FGF13: variants seen among roughly 807,000 people sequenced by gnomAD.
The protein encoded by FGF13 is fibroblast growth factor homologous factor 2.
A neutral mutation model predicts 19.5 loss-of-function variants in FGF13; 2 were observed. The observed-to-expected ratio is 0.10, with a 90% CI of 0.04 to 0.32. FGF13 has a LOEUF of 0.32. Ranked by LOEUF, FGF13 falls within the 10% of genes least tolerant of loss-of-function variation. The probability of loss-of-function intolerance (pLI) is 1.00; values close to 1 mark genes in which losing one functional copy is unlikely to be tolerated. For synonymous variants in FGF13, 72 were observed against 76.9 expected (o/e 0.94, Z 0.33); for missense variants, 113 against 192.7 (o/e 0.59, Z 2.45).
chrX:139,156,512 G>T (rs933636169), intron 1 of FGF13, among the ~76,000 whole-genome samples: 2 of 112,520 alleles, frequency 1.8e-5, no homozygotes, highest in African/African-American at 6.5e-5. Flanking sequence ...AATAAGCAAG[G>T]AGTCTTATTG....
At position 139,175,982 on chromosome X, in the gene FGF13, G is replaced by C. The variant is rs776688404; in HGVS notation, c.-113+27434C>G. Among the ~76,000 whole-genome samples the C allele has an allele frequency of 7.2e-5, 8 of 111,745 alleles. No individual in the cohort carries two copies. The South Asian group carries it at 1.5e-3, about 21-fold the overall frequency. On this transcript the variant is annotated intron_variant, in intron 1 of 2. Coordinates refer to the FGF13 transcript ENST00000421460. ...AATAGTTTCAGAAGGAATGGTACCA[G>C]CTCCTCTTTGTACCAATGGTAGAAT...
intron 3 of FGF13, among the ~76,000 whole-genome samples, chrX:138,651,936 T>C (rs1439827587): frequency 9.0e-6 from 1 of 111,423 alleles, no homozygotes; most frequent in Non-Finnish European, 1.9e-5. Flanking sequence ...TAGTATAACA[T>C]TAATTTACAA....
intron 3 of FGF13, among the ~76,000 whole-genome samples, chrX:138,792,040 G>T (rs1485423865): frequency 9.0e-6 from 1 of 111,419 alleles, no homozygotes; most frequent in Non-Finnish European, 1.9e-5. Flanking sequence ...AATTTTAGTG[G>T]CCAAAAAGCT....
chrX:138,636,719 A>T (rs1016463746), intron 3 of FGF13, among the ~76,000 whole-genome samples: 1 of 112,024 alleles, frequency 8.9e-6, no homozygotes, highest in African/African-American at 3.2e-5. Context: ...TAATTTGCTG[A>T]GATGTTATCA....
chrX:138,653,688 C>G (rs971605658), intron 3 of FGF13, among the ~76,000 whole-genome samples: 2 of 111,212 alleles, frequency 1.8e-5, no homozygotes, highest in African/African-American at 6.5e-5. Context: ...GACCTAAGAG[C>G]AGTGCAGAGG....
At chrX:138,730,575 G>T (rs1409755854) in intron 1 of FGF13, among the ~76,000 whole-genome samples, 1 of 111,037 alleles carries the variant, frequency 9.0e-6, no homozygotes, top group Non-Finnish European at 1.9e-5. Flanking sequence ...GATGCATATT[G>T]TAATCTTGAG....
intron 1 of FGF13, among the ~76,000 whole-genome samples, chrX:139,141,775 A>T (rs1041372197): frequency 8.9e-6 from 1 of 112,514 alleles, no homozygotes; most frequent in Non-Finnish European, 1.9e-5. Context: ...TGTTTCTCTG[A>T]ATAAACCATT....
At chrX:138,770,830 C>T (rs1394205878) in intron 3 of FGF13, among the ~76,000 whole-genome samples, 2 of 111,796 alleles carry the variant, frequency 1.8e-5, no homozygotes, top group African/African-American at 6.5e-5. Flanking sequence ...GGAGGAGGCA[C>T]AAACTGGGAG....
At chrX:138,962,203 T>TCAAAAGAAGACATTTATGCAGC (rs1449957308) in intron 1 of FGF13, among the ~76,000 whole-genome samples, 1 of 112,286 alleles carries the variant, frequency 8.9e-6, no homozygotes. Flanking sequence ...CAGACTCTTC[T>TCAAAAGAAGACATTTATGCAGC]CAAAAGAAGA....
At chrX:138,659,509 G>A (rs370524565) in intron 3 of FGF13, among the ~76,000 whole-genome samples, 2 of 111,450 alleles carry the variant, frequency 1.8e-5, no homozygotes, top group Admixed American at 9.5e-5. Context: ...GCCATTCCTC[G>A]AGGATCTAGA....
chrX:138,783,780 G>A (rs1265121051), intron 3 of FGF13, among the ~76,000 whole-genome samples: 2 of 108,827 alleles, frequency 1.8e-5, no homozygotes, highest in African/African-American at 3.3e-5. Flanking sequence ...ATCTAGAACT[G>A]GAAATACCAT....
At chrX:139,161,172 G>A (rs898938341) in intron 1 of FGF13, among the ~76,000 whole-genome samples, 1 of 111,739 alleles carries the variant, frequency 8.9e-6, no homozygotes, top group Non-Finnish European at 1.9e-5. Context: ...TTCATCCCTG[G>A]GATGCAAGGC....
chrX:139,058,270 T>C (rs1306156403), intron 1 of FGF13, among the ~76,000 whole-genome samples: 1 of 112,032 alleles, frequency 8.9e-6, no homozygotes, highest in Non-Finnish European at 1.9e-5. Context: ...AAGCATCCTG[T>C]GGCTGGCACT....
intron 1 of FGF13, among the ~76,000 whole-genome samples, chrX:139,184,244 T>A (rs2084263387): frequency 8.9e-6 from 1 of 111,891 alleles, no homozygotes; most frequent in African/African-American, 3.3e-5. Flanking sequence ...AAGATTCAAA[T>A]AACCAGAGAC....
intron 1 of FGF13, among the ~76,000 whole-genome samples, chrX:139,151,125 A>C (rs776732112): frequency 9.0e-6 from 1 of 111,295 alleles, no homozygotes; most frequent in South Asian, 3.8e-4. Context: ...TACATATTAC[A>C]ATGGTTTTTG....
rs1409404761 is a variant in FGF13, at chrX:138,624,865, A to G, written c.*7985T>C. 1.8e-5 allele frequency: 2 copies of G among 112,131 alleles called. No individual in the cohort carries two copies. The highest frequency in any genetic ancestry group is 1.9e-4 in the Admixed American group (2 of 10,595). 9.2% of individuals were successfully genotyped at this position (112,131 alleles called of 1,213,427 possible). A position where few individuals can be genotyped will look rare whatever the true frequency, so the allele number is the denominator to read the frequency against. ...AAAATAAAAAAATTATCTGCCCAGC[A>G]AAGGAAATAATCGACAAAACGAAAA... is the stretch of plus-strand genomic sequence containing the variant. On this transcript the variant is annotated 3_prime_UTR_variant, in exon 5 of 5. Transcript: ENST00000315930.
At chrX:139,139,677 A>G (rs1034652389) in intron 1 of FGF13, among the ~76,000 whole-genome samples, 1 of 112,294 alleles carries the variant, frequency 8.9e-6, no homozygotes, top group East Asian at 2.8e-4. Context: ...TGGGTCCATT[A>G]TAGATTCATC....
intron 1 of FGF13, among the ~76,000 whole-genome samples, chrX:139,191,708 C>T (rs918886294): frequency 6.3e-5 from 7 of 111,296 alleles, no homozygotes; most frequent in Admixed American, 9.5e-5. Context: ...CCTCCCATCA[C>T]CACCTGCTGC....
Position 138,959,707 on chromosome X carries a change from A to G in FGF13, c.-112-95057T>C, listed in dbSNP as rs191966968. 4.0e-3 allele frequency among the ~76,000 whole-genome samples: 451 copies of G among 111,471 alleles called. 1 individual carries two copies. The highest frequency in any genetic ancestry group is 0.014 in the African/African-American group (427 of 30,693). ...TTGCTTTATGAATCTGGGTGCTCCT[A>G]TATTGGGTGCATATATATTTAGGAT... On this transcript the variant is annotated intron_variant, in intron 1 of 2. Coordinates refer to the FGF13 transcript ENST00000421460.
Sources: allele counts gnomAD v4.1 joint callset (sites outside exome capture counted in the v4.1 genomes callset), GRCh38; gene constraint gnomAD v4.1.1; transcripts MANE v1.5; gene names NCBI Gene and HGNC (gene_info 2026-07-23, HGNC 2026-07-21).